The following MCF2 variants were observed in gnomAD, a reference collection of about 807,000 sequenced individuals.
MCF2 encodes proto-oncogene DBL.
Under a neutral mutation model 82.5 loss-of-function variants are expected in MCF2, and 44 were observed. The observed-to-expected ratio is 0.53, with a 90% CI of 0.42 to 0.69. The LOEUF is 0.69. Ranked by LOEUF, MCF2 falls within the 30% of genes least tolerant of loss-of-function variation. The pLI is 0.00. For synonymous variants in MCF2, 217 were observed against 224.9 expected, an observed-to-expected ratio of 0.96 and a Z score of 0.32; for missense variants, 623 against 663.1, an observed-to-expected ratio of 0.94 and a Z score of 0.66.
intron 1 of MCF2, among the ~76,000 whole-genome samples, chrX:139,641,030 T>C (rs1462944298): frequency 9.1e-6 from 1 of 110,302 alleles, no homozygotes; most frequent in Non-Finnish European, 1.9e-5. Context: ...CCAGTAGCCA[T>C]TCCATATTTA....
chrX:139,680,108 A>G lies in MCF2; in HGVS notation c.-45+27998T>C, dbSNP rs1934964498. On this transcript the variant is annotated intron_variant, in intron 1 of 27. Coordinates refer to the MCF2 transcript ENST00000414978. Reference sequence around the variant, plus strand: ...TTTTAAAACTTTAATCTCCATCTTTACTTATTTTTTATTATTTTATTTATT... The same window carrying G: ...TTTTAAAACTTTAATCTCCATCTTTGCTTATTTTTTATTATTTTATTTATT... Among the ~76,000 whole-genome samples, 3 of 111,639 alleles carry G rather than the reference A, an allele frequency of 2.7e-5. No individual in the cohort carries two copies. In the South Asian group the frequency reaches 1.1e-3, roughly 42 times the overall value.
chrX:139,642,677 G>A, exon 1 of MCF2: 1 of 1,099,421 alleles, frequency 9.1e-7, no homozygotes, highest in Non-Finnish European at 1.2e-6. Flanking sequence ...AGCAATGCTG[G>A]GGAGGAAAAA....
rs182693413 is a variant in MCF2 at position 139,641,786 on chromosome X, T to C, written c.51+682A>G. 3.8e-3 allele frequency among the ~76,000 whole-genome samples: 425 copies of C among 111,703 alleles called. 5 individuals carry two copies. The highest frequency in any genetic ancestry group is 0.012 in the African/African-American group (372 of 30,809). On this transcript the variant is annotated intron_variant, in intron 1 of 24. Transcript: ENST00000370576. ...CATTAGAAATTTGCTGGGAATTTAC[T>C]ATATGAATAAATGAATGAAGGGAAA...
At chrX:139,657,328 T>C (rs1934227442) in intron 1 of MCF2, among the ~76,000 whole-genome samples, 2 of 112,385 alleles carry the variant, frequency 1.8e-5, no homozygotes, top group Non-Finnish European at 1.9e-5. Flanking sequence ...AATCCAAATA[T>C]GAATTTTTAA....
At chrX:139,616,193 T>G (rs1443036110) in intron 9 of MCF2, 89 bp downstream of exon 12, 8 of 464,795 alleles carry the variant, frequency 1.7e-5, no homozygotes, top group Non-Finnish European at 2.0e-5. Flanking sequence ...GACATAAAGT[T>G]AGCTGTGAGG....
Position 139,631,281 on chromosome X carries a change from G to GT in MCF2, c.288+113dup, listed in dbSNP as rs769747224. On this transcript the variant is annotated intron_variant, in intron 3 of 24. Coordinates refer to ENST00000370576, the Ensembl canonical transcript of MCF2. Reference sequence around the variant, plus strand: ...AAAAATGAGGGCCCAGAAAGCTGGGGTTTTTTTGTTTTGTTTTGTTTTGTT... The same window carrying GT: ...AAAAATGAGGGCCCAGAAAGCTGGGGTTTTTTTTGTTTTGTTTTGTTTTGTT... 869 of 420,391 alleles carry GT rather than the reference G, an allele frequency of 2.1e-3. 6 individuals are homozygous for GT. Among genetic ancestry groups the GT allele is most frequent in the South Asian group, 8.5e-3 (147 of 17,202 alleles). The allele number at this position is 420,391 out of a possible 1,213,427, so 34.6% of individuals were successfully genotyped here.
intron 6 of MCF2, among the ~76,000 whole-genome samples, chrX:139,624,736 A>G (rs113856545): frequency 1.8e-5 from 2 of 111,066 alleles, no homozygotes; most frequent in African/African-American, 6.5e-5. Context: ...TGAAATACCA[A>G]TGGTAGATAA....
chrX:139,634,036 C>A (rs1288002269), intron 1 of MCF2, among the ~76,000 whole-genome samples: 2 of 111,074 alleles, frequency 1.8e-5, no homozygotes, highest in Non-Finnish European at 3.8e-5. Flanking sequence ...AGAAGGGAAA[C>A]AAGATTCTGA....
intron 19 of MCF2, among the ~76,000 whole-genome samples, chrX:139,592,122 G>A (rs925899033): frequency 9.0e-6 from 1 of 111,615 alleles, no homozygotes; most frequent in African/African-American, 3.3e-5. Context: ...CATTTTCCAA[G>A]TAATCCTGGT....
intron 1 of MCF2, among the ~76,000 whole-genome samples, chrX:139,680,399 G>A (rs1031810643): frequency 1.2e-4 from 13 of 112,261 alleles, no homozygotes; most frequent in South Asian, 3.7e-4. Context: ...CTCTTCATCC[G>A]ACATTTTGAA....
chrX:139,614,789 C>A, intron 10 of MCF2, 92 bp downstream of exon 13: 1 of 839,306 alleles, frequency 1.2e-6, no homozygotes, highest in South Asian at 2.5e-5. Context: ...TTTCATCTAT[C>A]CGCATTGAAG....
At chrX:139,646,912 AT>A, upstream of MCF2, 1 of 968,751 alleles carries the variant, frequency 1.0e-6, no homozygotes, top group Non-Finnish European at 1.4e-6. Flanking sequence ...ACCTACAACA[AT>A]AGAAAAATAA....
At chrX:139,687,267 G>A (rs1395637062) in intron 1 of MCF2, among the ~76,000 whole-genome samples, 2 of 112,428 alleles carry the variant, frequency 1.8e-5, no homozygotes, top group Admixed American at 9.4e-5. Flanking sequence ...TCCCAGTGCT[G>A]GAAGTAACAA....
intron 1 of MCF2, among the ~76,000 whole-genome samples, chrX:139,633,944 A>G (rs907869761): frequency 1.8e-5 from 2 of 111,661 alleles, no homozygotes; most frequent in Non-Finnish European, 3.8e-5. Context: ...TAGGAGGATC[A>G]AACTCCAGAT....
intron 1 of MCF2, among the ~76,000 whole-genome samples, chrX:139,706,514 C>G (rs1368754035): frequency 1.8e-5 from 2 of 110,411 alleles, no homozygotes; most frequent in Non-Finnish European, 3.8e-5. Context: ...AAGCATTGAG[C>G]ACACATGGAC....
chrX:139,673,932 T>G, intron 1 of MCF2, among the ~76,000 whole-genome samples: 1 of 111,463 alleles, frequency 9.0e-6, no homozygotes, highest in Non-Finnish European at 1.9e-5. Flanking sequence ...AGTCTCCCAT[T>G]ATTATTGTGT....
chrX:139,614,529 G>A (rs1381266578), intron 10 of MCF2, among the ~76,000 whole-genome samples: 5 of 109,199 alleles, frequency 4.6e-5, no homozygotes, highest in African/African-American at 1.3e-4. Flanking sequence ...GTGTGTGTGT[G>A]TGTGTGTGTG....
chrX:139,612,616 T>C (rs1422417253), intron 10 of MCF2, among the ~76,000 whole-genome samples: 1 of 111,504 alleles, frequency 9.0e-6, no homozygotes, highest in Non-Finnish European at 1.9e-5. Context: ...AATACTTATG[T>C]TTTGAGTTGA....
chrX:139,652,302 T>C (rs943700060), intron 1 of MCF2, among the ~76,000 whole-genome samples: 6 of 111,650 alleles, frequency 5.4e-5, no homozygotes, highest in Admixed American at 2.9e-4. Flanking sequence ...TAGACGTGGA[T>C]TCAAATCCAG....
Sources: gnomAD v4.1 joint callset for allele counts (sites outside exome capture counted in the v4.1 genomes callset) on GRCh38, gnomAD v4.1.1 for gene constraint, MANE v1.5 for transcripts, NCBI Gene and HGNC (gene_info 2026-07-23, HGNC 2026-07-21) for gene names.